Variants in ZNF644 observed in about 807,000 individuals in gnomAD.
ZNF644 encodes zinc finger protein 644, also known as zinc finger motif enhancer binding protein 2.
ZNF644 carries 20 observed loss-of-function variants against 108.0 expected under a neutral mutation model. That is an observed-to-expected ratio of 0.19 (90% CI 0.13 to 0.27). The LOEUF is 0.27. Ranked by LOEUF, ZNF644 falls within the 10% of genes least tolerant of loss-of-function variation. The pLI is 1.00. For missense variants in ZNF644, 1,338 were observed against 1,548.9 expected (o/e 0.86, Z 2.29); for synonymous variants, 542 against 539.1 (o/e 1.01, Z -0.08).
chr1:90,973,030 G>T (rs146093189), intron 2 of ZNF644: 13 of 152,112 alleles, frequency 8.5e-5, no homozygotes, highest in African/African-American at 3.1e-4. Flanking sequence ...GGATGGTGGT[G>T]ATGAGTGCAC....
In ZNF644 at chr1:90,941,160, G is replaced by A; in HGVS notation, c.194C>T (p.Ser65Leu). The change falls in exon 3 of 6, where the codon TCA becomes TTA. Residue 65 changes from serine (S) to leucine (L), a missense_variant. Physicochemically the swap from Ser to Leu is moderately radical, Grantham distance 145. Around this residue, in one of 6 missense-constraint regions of ZNF644, gnomAD observed 464 missense variants for 457.9 expected, o/e 1.01. Coordinates refer to ENST00000337393, the MANE Select transcript of ZNF644 (RefSeq NM_201269.3). ...GVHKPKDCQT[S>L]FQKNNTLTLP... is the part of the protein sequence containing the mutation. ...AGTCAACGTATTATTTTTCTGAAAT[G>A]ATGTTTGACAATCTTTTGGCTTATG... The A allele has an allele frequency of 1.2e-6, 2 of 1,613,204 alleles. No individual in the cohort carries two copies. Among genetic ancestry groups the A allele is most frequent in the African/African-American group, 1.3e-5 (1 of 74,976 alleles).
rs1291186638 is a variant in ZNF644, at chr1:90,915,532, GT to G, written c.*1265del. 6.6e-6 allele frequency: 1 copy of G among 152,484 alleles called. No homozygotes were observed. The allele number at this position is 152,484 out of a possible 1,614,324, so 9.4% of individuals were successfully genotyped here. A position where few individuals can be genotyped will look rare whatever the true frequency, so the allele number is the denominator to read the frequency against. ...AAATGGTGCTTGCATACAAAAACTT[GT>G]TGTTTGTAAAGGAATCTGATTTCAG... On this transcript the variant is annotated 3_prime_UTR_variant, in exon 6 of 6. Coordinates refer to ENST00000337393, the MANE Select transcript of ZNF644 (RefSeq NM_201269.3).
chr1:90,938,152 G>A lies in ZNF644; in HGVS notation c.3083-62C>T. On this transcript the variant is annotated intron_variant, in intron 3 of 5. Coordinates refer to ENST00000337393, the MANE Select transcript of ZNF644 (RefSeq NM_201269.3). The surrounding 1 kb of genome is among the most constrained non-coding windows in gnomAD (Gnocchi z 4.2). The stretch of plus-strand genomic sequence containing the variant: ...TTATATAAACTGACCACCCTAAAAT[G>A]AGTTAATTCTGAAACATAAAATTAT... The A allele has an allele frequency of 6.2e-7, 1 of 1,605,306 alleles. No individual in the cohort carries two copies. The highest frequency in any genetic ancestry group is 8.5e-7 in the Non-Finnish European group (1 of 1,174,830).
At chr1:90,917,422 C>T (rs981403102) in intron 5 of ZNF644, among the ~76,000 whole-genome samples, 7 of 152,060 alleles carry the variant, frequency 4.6e-5, no homozygotes, top group Non-Finnish European at 7.4e-5. Flanking sequence ...TCCCAATAAG[C>T]GAGAACTCAA....
chr1:90,937,808 A>C lies in ZNF644; in HGVS notation c.3365T>G (p.Val1122Gly). The C allele has an allele frequency of 6.2e-7, 1 of 1,613,896 alleles. No homozygotes were observed. The highest frequency in any genetic ancestry group is 1.1e-5 in the South Asian group (1 of 91,076). Residue 1122 changes from valine (V) to glycine (G), a missense_variant, in exon 4 of 6, where the codon GTT (valine) becomes GGT (glycine). Coordinates refer to ENST00000337393, the MANE Select transcript of ZNF644 (RefSeq NM_201269.3). ...ASSDDFISQN[V>G]IPLEAYRNGL... ...ATTACGGTATGCTTCAAGAGGTATA[A>C]CATTTTGAGATATAAAGTCATCACT...
At chr1:90,935,827 T>C (rs1651257014) in intron 4 of ZNF644, among the ~76,000 whole-genome samples, 1 of 152,204 alleles carries the variant, frequency 6.6e-6, no homozygotes, top group South Asian at 2.1e-4. Flanking sequence ...AGATTATTTC[T>C]TAAACCTACT....
intron 2 of ZNF644, among the ~76,000 whole-genome samples, chr1:90,974,392 T>C (rs958189937): frequency 6.6e-6 from 1 of 152,138 alleles, no homozygotes; most frequent in African/African-American, 2.4e-5. Flanking sequence ...TCTCGAGTTA[T>C]AGATAGGTCT....
chr1:90,953,800 C>G lies in ZNF644; in HGVS notation c.45-12491G>C, dbSNP rs561301767. On this transcript the variant is annotated intron_variant, in intron 2 of 5. Coordinates refer to ENST00000337393, the MANE Select transcript of ZNF644 (RefSeq NM_201269.3). ...GTGTGGTGGCAGGCGCATGTAATCCCAGCTACTTGGGAGGCTGAGGCAGGA... is the reference window on the plus strand; with the variant it reads ...GTGTGGTGGCAGGCGCATGTAATCCGAGCTACTTGGGAGGCTGAGGCAGGA... Among the ~76,000 whole-genome samples the G allele has an allele frequency of 1.7e-3, 254 of 152,164 alleles. 1 individual carries two copies. Among genetic ancestry groups the G allele is most frequent in the Non-Finnish European group, 3.0e-3 (204 of 68,022 alleles).
chr1:90,918,235 G>A (rs922972999), intron 4 of ZNF644, 81 bp from the exon 5 acceptor site: 2 of 1,148,334 alleles, frequency 1.7e-6, no homozygotes, highest in Admixed American at 3.7e-5. Flanking sequence ...AGAGAGGTCA[G>A]ACAGACCATC....
At position 90,940,547 on chromosome 1, in the gene ZNF644, A is replaced by G. The variant is rs369662950; in HGVS notation, c.807T>C (p.Leu269=). Reference sequence around the variant, plus strand: ...TATCTACTGTTTCCTCATTAGTCATAAGAAATTGAATGAACTCTTTTTGGG... The same window carrying G: ...TATCTACTGTTTCCTCATTAGTCATGAGAAATTGAATGAACTCTTTTTGGG... ...WDPQKEFIQF[L]MTNEETVDKA... is the part of the protein sequence containing the mutation. Residue 269 remains leucine, a synonymous_variant, in exon 3 of 6, where the codon CTT becomes CTC. Coordinates refer to ENST00000337393, the MANE Select transcript of ZNF644 (RefSeq NM_201269.3). 42 of 1,613,792 alleles carry G rather than the reference A, an allele frequency of 2.6e-5. No individual in the cohort carries two copies. The African/African-American group carries it at 4.9e-4, about 19-fold the overall frequency.
At chr1:90,935,882 T>A (rs568379659) in intron 4 of ZNF644, among the ~76,000 whole-genome samples, 35 of 152,272 alleles carry the variant, frequency 2.3e-4, no homozygotes, top group African/African-American at 7.9e-4. Flanking sequence ...TGTTGAGAAG[T>A]TTCAAAGCTT....
In ZNF644 at chr1:90,939,436, T is replaced by C. The variant is rs1313968094; in HGVS notation, c.1918A>G (p.Thr640Ala). 2 of 1,613,846 alleles carry C rather than the reference T, an allele frequency of 1.2e-6. No individual in the cohort carries two copies. Among genetic ancestry groups the C allele is most frequent in the Non-Finnish European group, 1.7e-6 (2 of 1,179,940 alleles). The change falls in exon 3 of 6, where the codon ACT (threonine) becomes GCT (alanine). Residue 640 changes from threonine to alanine, a missense_variant. Physicochemically the swap from Thr to Ala is moderately conservative, Grantham distance 58. Coordinates refer to ENST00000337393, the MANE Select transcript of ZNF644 (RefSeq NM_201269.3). ...GACTGTTGTTTAGTTAATGTTTTAG[T>C]GCTATCACTATCTACAGGTTCTTCA... Reference protein sequence around the residue: ...ILEEPVDSDSTKTLTKQQSTT... With the variant: ...ILEEPVDSDSAKTLTKQQSTT...
chr1:90,979,528 A>G (rs1211955211), intron 2 of ZNF644, among the ~76,000 whole-genome samples: 3 of 152,158 alleles, frequency 2.0e-5, no homozygotes, highest in Non-Finnish European at 4.4e-5. Context: ...CATATCTACA[A>G]TTTAAAAAAA....
chr1:90,929,110 T>A (rs1553146130), intron 4 of ZNF644, among the ~76,000 whole-genome samples: 3 of 152,180 alleles, frequency 2.0e-5, no homozygotes, highest in Non-Finnish European at 4.4e-5. Context: ...CATGAACTAC[T>A]TTTATTTATT....
At position 91,007,687 on chromosome 1, in the gene ZNF644, A is replaced by C. The variant is rs531642969; in HGVS notation, c.-18+14303T>G. Among the ~76,000 whole-genome samples, 13 of 152,238 alleles carry C rather than the reference A, an allele frequency of 8.5e-5. No homozygotes were observed. The East Asian group carries it at 9.7e-4, about 11-fold the overall frequency. ...TTCCAACTCTTCTATGAAGTGTTTC[A>C]TATTCTAAATTTCTAGAAGCTCTTG... On this transcript the variant is annotated intron_variant, in intron 1 of 5. Coordinates refer to ENST00000337393, the MANE Select transcript of ZNF644 (RefSeq NM_201269.3).
At position 90,915,640 on chromosome 1, in the gene ZNF644, T is replaced by A. The variant is rs1648687713; in HGVS notation, c.*1158A>T. 1 of 152,628 alleles carries A rather than the reference T, an allele frequency of 6.6e-6. No individual in the cohort carries two copies. The highest frequency in any genetic ancestry group is 6.5e-5 in the Admixed American group (1 of 15,284). The allele number at this position is 152,628 out of a possible 1,614,324, so 9.5% of individuals were successfully genotyped here. A position where few individuals can be genotyped will look rare whatever the true frequency, so the allele number is the denominator to read the frequency against. ...TGACCAAGACACCTGCACCATATTT[T>A]CCATTCCTCACAGCACATTTATTTC... On this transcript the variant is annotated 3_prime_UTR_variant, in exon 6 of 6. Transcript: ENST00000337393.
At chr1:91,008,433 AC>A (rs961973180) in intron 1 of ZNF644, among the ~76,000 whole-genome samples, 1 of 152,176 alleles carries the variant, frequency 6.6e-6, no homozygotes, top group Admixed American at 6.5e-5. Context: ...TCATCTACAA[AC>A]AAATGGAGGT....
chr1:90,926,322 C>T (rs1650030169), intron 4 of ZNF644, among the ~76,000 whole-genome samples: 2 of 152,272 alleles, frequency 1.3e-5, no homozygotes, highest in African/African-American at 4.8e-5. Context: ...GCACACTAAG[C>T]TTGTGTGCAC....
At chr1:90,962,838 T>C (rs1296661791) in intron 2 of ZNF644, among the ~76,000 whole-genome samples, 1 of 152,064 alleles carries the variant, frequency 6.6e-6, no homozygotes, top group Non-Finnish European at 1.5e-5. Flanking sequence ...CTGCCTCTAG[T>C]AGAGAAGCAT....
Sources: allele counts gnomAD v4.1 joint callset (sites outside exome capture counted in the v4.1 genomes callset), GRCh38; gene constraint gnomAD v4.1.1; regional missense constraint gnomAD v4.1.1; non-coding constraint Gnocchi (gnomAD v3.1); transcripts MANE v1.5; gene names NCBI Gene and HGNC (gene_info 2026-07-23, HGNC 2026-07-21).